ATP6V0D1: variants seen among roughly 807,000 people sequenced by gnomAD.
The protein encoded by ATP6V0D1 is ATPase H+ transporting V0 subunit d1.
ATP6V0D1 carries 13 observed loss-of-function variants against 39.0 expected under a neutral mutation model. The ratio of observed to expected loss-of-function variants is 0.33; its 90% CI spans 0.22 to 0.53. ATP6V0D1 has a LOEUF of 0.53. ATP6V0D1 is among the 20% of genes least tolerant of loss of function. The probability of loss-of-function intolerance (pLI) is 0.94; values close to 1 mark genes in which losing one functional copy is unlikely to be tolerated. For missense variants in ATP6V0D1, 272 were observed against 470.9 expected (o/e 0.58, Z 3.91); for synonymous variants, 191 against 191.2 (o/e 1.00, Z 0.01).
chr16:67,462,018 G>A (rs998683656), intron 1 of ATP6V0D1, among the ~76,000 whole-genome samples: 6 of 152,200 alleles, frequency 3.9e-5, no homozygotes, highest in Non-Finnish European at 2.9e-5. Context: ...TGACAGTCAG[G>A]AGGGTGCCAG....
intron 1 of ATP6V0D1, among the ~76,000 whole-genome samples, chr16:67,467,588 T>C (rs778458728): frequency 8.5e-5 from 13 of 152,210 alleles, no homozygotes; most frequent in Non-Finnish European, 1.9e-4. Context: ...TGTTGAATCC[T>C]TACAACCTAC....
At chr16:67,468,464 T>C (rs2041347484) in intron 1 of ATP6V0D1, among the ~76,000 whole-genome samples, 1 of 151,932 alleles carries the variant, frequency 6.6e-6, no homozygotes, top group Admixed American at 6.6e-5. Context: ...GGTGCATGCC[T>C]GTAGCCCTAC....
rs777006819 is a variant in ATP6V0D1, at chr16:67,438,597, G to A, written c.987C>T (p.Ile329=). The change falls in exon 8 of 8, where the codon ATC becomes ATT. Residue 329 remains isoleucine (I), a synonymous_variant. Transcript: ENST00000290949. ...GGGCGATACATTCAGCGATCCACAC[G>A]ATGTTGCGACACTCCTGCTCCTTGA... ...VKLKEQECRN[I]VWIAECIAQR... The A allele has an allele frequency of 3.1e-6, 5 of 1,614,122 alleles. No homozygotes were observed. The highest frequency in any genetic ancestry group is 1.3e-5 in the African/African-American group (1 of 74,932).
chr16:67,457,306 G>A (rs527237077), intron 1 of ATP6V0D1: 109 of 297,038 alleles, frequency 3.7e-4, no homozygotes, highest in Non-Finnish European at 6.2e-4. Flanking sequence ...TTGGGGCATA[G>A]AGGGGCTGGG....
intron 1 of ATP6V0D1, among the ~76,000 whole-genome samples, chr16:67,475,538 T>G (rs2041407756): frequency 6.6e-6 from 1 of 152,214 alleles, no homozygotes; most frequent in Non-Finnish European, 1.5e-5. Context: ...CCAGGACCAC[T>G]AGCTCACATG....
intron 2 of ATP6V0D1, among the ~76,000 whole-genome samples, chr16:67,446,188 T>C (rs2041113029): frequency 6.6e-6 from 1 of 152,074 alleles, no homozygotes; most frequent in African/African-American, 2.4e-5. Context: ...AGGCCACGGC[T>C]CAAAGCACTG....
chr16:67,481,081 C>G lies in ATP6V0D1; in HGVS notation c.6G>C (p.Ser2=), dbSNP rs1458604260. 6 of 1,613,950 alleles carry G rather than the reference C, an allele frequency of 3.7e-6. No homozygotes were observed. Among genetic ancestry groups the G allele is most frequent in the East Asian group, 4.5e-5 (2 of 44,890 alleles). ...CGTTAAAGTAAAGCTCCGGGAAGAA[C>G]GACATGGCTGCTGCGGGAGCGGCGG... M[S]FFPELYFNVD... is the part of the protein sequence containing the mutation. Residue 2 remains serine (S), a synonymous_variant, in exon 1 of 8, where the codon TCG becomes TCC. Coordinates refer to ENST00000290949, the MANE Select transcript of ATP6V0D1 (RefSeq NM_004691.5).
chr16:67,474,164 G>A (rs778856955), intron 1 of ATP6V0D1, among the ~76,000 whole-genome samples: 3 of 152,190 alleles, frequency 2.0e-5, no homozygotes, highest in Non-Finnish European at 4.4e-5. Flanking sequence ...GCCCACCATG[G>A]CACCTGTCTC....
intron 4 of ATP6V0D1, chr16:67,439,712 C>T (rs55918120): frequency 0.025 from 7,519 of 300,228 alleles, 106 homozygotes; most frequent in Middle Eastern, 0.032. Context: ...CCAAACCTCC[C>T]CTTCCTCAGC....
In ATP6V0D1 at chr16:67,476,393, T is replaced by C. The variant is rs530955821; in HGVS notation, c.130+4564A>G. The stretch of plus-strand genomic sequence containing the variant: ...TAACAAATACATTAAAAACCATTAG[T>C]GTGTTATAATACTAAACAAATCTTG... On this transcript the variant is annotated intron_variant, in intron 1 of 7. Transcript: ENST00000290949. 7.2e-5 allele frequency among the ~76,000 whole-genome samples: 11 copies of C among 152,190 alleles called. No homozygotes were observed. The South Asian group carries it at 2.3e-3, about 31-fold the overall frequency.
At chr16:67,446,069 G>C (rs1349621216) in intron 2 of ATP6V0D1, 7 of 406,754 alleles carry the variant, frequency 1.7e-5, no homozygotes, top group Non-Finnish European at 3.0e-5. Flanking sequence ...CCTGCCCTGT[G>C]ACAGGACCTT....
chr16:67,446,047 C>T, intron 2 of ATP6V0D1: 1 of 439,048 alleles, frequency 2.3e-6, no homozygotes. Flanking sequence ...CTGAGTGGGC[C>T]AGAGCTAGGC....
intron 1 of ATP6V0D1, among the ~76,000 whole-genome samples, chr16:67,476,962 G>C (rs563290655): frequency 1.3e-5 from 2 of 150,786 alleles, no homozygotes; most frequent in African/African-American, 4.9e-5. Context: ...GAACCTGGGA[G>C]GCAGAGGTTG....
chr16:67,464,548 G>A (rs923147698), intron 1 of ATP6V0D1, among the ~76,000 whole-genome samples: 1 of 152,192 alleles, frequency 6.6e-6, no homozygotes, highest in African/African-American at 2.4e-5. Context: ...CCACTCAGGG[G>A]CTCCCAGTGA....
chr16:67,466,326 TACACACAC>T (rs536624557), intron 1 of ATP6V0D1, among the ~76,000 whole-genome samples: 6,885 of 120,516 alleles, frequency 0.057, 354 homozygotes, highest in African/African-American at 0.16. Context: ...AGTAAACACA[TACACACAC>T]ACACACACAC....
At chr16:67,460,870 CA>C (rs1567539699) in intron 1 of ATP6V0D1, among the ~76,000 whole-genome samples, 1 of 152,142 alleles carries the variant, frequency 6.6e-6, no homozygotes, top group Non-Finnish European at 1.5e-5. Flanking sequence ...CTGAGTGGGA[CA>C]GGGGAGAAAG....
chr16:67,459,016 A>C (rs2041267186), intron 1 of ATP6V0D1: 17 of 975,302 alleles, frequency 1.7e-5, no homozygotes, highest in Non-Finnish European at 2.1e-5. Flanking sequence ...ACCTTCACCC[A>C]GCAGTCCATG....
At chr16:67,465,679 C>T (rs190451041) in intron 1 of ATP6V0D1, among the ~76,000 whole-genome samples, 2 of 152,330 alleles carry the variant, frequency 1.3e-5, no homozygotes, top group South Asian at 2.1e-4. Flanking sequence ...CTGCACTGGG[C>T]ACCAAGGCAA....
Position 67,439,271 on chromosome 16 carries a change from C to T in ATP6V0D1, c.639+3G>A. 1 of 1,614,132 alleles carries T rather than the reference C, an allele frequency of 6.2e-7. No individual in the cohort carries two copies. Among genetic ancestry groups the T allele is most frequent in the Non-Finnish European group, 8.5e-7 (1 of 1,180,038 alleles). ...GCAGGCAGGAGGGCGGGCAGGCACT[C>T]ACCTCCAGGATGGGGCACATGGCAT... On this transcript the variant is annotated splice_donor_region_variant and intron_variant, in intron 5 of 7. Coordinates refer to ENST00000290949, the MANE Select transcript of ATP6V0D1 (RefSeq NM_004691.5).
Sources: allele counts gnomAD v4.1 joint callset (sites outside exome capture counted in the v4.1 genomes callset), GRCh38; gene constraint gnomAD v4.1.1; transcripts MANE v1.5; gene names NCBI Gene and HGNC (gene_info 2026-07-23, HGNC 2026-07-21).